TPCN2: variants seen among roughly 807,000 people sequenced by gnomAD.
TPCN2 encodes two pore channel protein 2.
Under a neutral mutation model 111.4 loss-of-function variants are expected in TPCN2, and 92 were observed. The ratio of observed to expected loss-of-function variants is 0.83; its 90% CI spans 0.70 to 0.98. The LOEUF is 0.98. Among genes scored for constraint, TPCN2 ranks in the 50% least tolerant of loss-of-function variants. The pLI is 0.00. For missense variants in TPCN2, 995 were observed against 980.1 expected, an observed-to-expected ratio of 1.02 and a Z score of -0.20; for synonymous variants, 405 against 414.5, an observed-to-expected ratio of 0.98 and a Z score of 0.28.
intron 13 of TPCN2, among the ~76,000 whole-genome samples, chr11:69,075,427 G>A (rs546539711): frequency 8.5e-4 from 130 of 152,308 alleles, no homozygotes; most frequent in African/African-American, 2.9e-3. Context: ...TAGCACCTAG[G>A]AATGCAGTGG....
At chr11:69,063,790 C>T in intron 6 of TPCN2, 105 bp from the exon 7 acceptor site, 6 of 1,068,262 alleles carry the variant, frequency 5.6e-6, no homozygotes, top group Non-Finnish European at 8.4e-6. Context: ...TCCACCCCAG[C>T]TGCTGCAGAC....
At chr11:69,077,582 ATT>A (rs1855848328) in intron 13 of TPCN2, among the ~76,000 whole-genome samples, 1 of 152,214 alleles carries the variant, frequency 6.6e-6, no homozygotes, top group African/African-American at 2.4e-5. Context: ...TCAACTGGAT[ATT>A]TTGGTGTTTT....
At position 69,088,815 on chromosome 11, in the gene TPCN2, A is replaced by G. The variant is rs952205004; in HGVS notation, c.*862A>G. The G allele has an allele frequency of 2.0e-5, 3 of 152,060 alleles. No homozygotes were observed. The highest frequency in any genetic ancestry group is 1.9e-4 in the East Asian group (1 of 5,170). 9.4% of individuals were successfully genotyped at this position (152,060 alleles called of 1,614,324 possible). On this transcript the variant is annotated 3_prime_UTR_variant, in exon 25 of 25. Transcript: ENST00000294309. Reference sequence around the variant, plus strand: ...AAGCACGCCAGGTCCAGATTGACCAATGGTTTTCTCACTTCAGGGGCCAAC... The same window carrying G: ...AAGCACGCCAGGTCCAGATTGACCAGTGGTTTTCTCACTTCAGGGGCCAAC...
At chr11:69,059,318 A>G (rs1056500011) in intron 5 of TPCN2, among the ~76,000 whole-genome samples, 10 of 147,936 alleles carry the variant, frequency 6.8e-5, no homozygotes, top group South Asian at 2.2e-4. Flanking sequence ...CCCTCTTTCC[A>G]TGAACAAGCT....
At chr11:69,082,788 T>C (rs368421455) in intron 18 of TPCN2, among the ~76,000 whole-genome samples, 21 of 75,906 alleles carry the variant, frequency 2.8e-4, no homozygotes, top group Non-Finnish European at 4.5e-4. Flanking sequence ...CAGATATCCA[T>C]GTGAACTCGT....
chr11:69,063,067 GC>G, intron 6 of TPCN2, 77 bp downstream of exon 6: 1 of 1,299,128 alleles, frequency 7.7e-7, no homozygotes, highest in Non-Finnish European at 1.1e-6. Context: ...TGCGGGTGGG[GC>G]CCACCGGAGT....
rs758084656 is a variant in TPCN2 at position 69,071,978 on chromosome 11, A to G, written c.1016A>G (p.Glu339Gly). 2 of 1,613,970 alleles carry G rather than the reference A, an allele frequency of 1.2e-6. No homozygotes were observed. Among genetic ancestry groups the G allele is most frequent in the South Asian group, 2.2e-5 (2 of 91,068 alleles). The change falls in exon 11 of 25, where the codon GAA becomes GGA. Residue 339 changes from glutamate to glycine, a missense_variant. By Grantham distance (98) the Glu-to-Gly change is moderately conservative (BLOSUM62 -2). Coordinates refer to ENST00000294309, the MANE Select transcript of TPCN2 (RefSeq NM_139075.4). Reference sequence around the variant, plus strand: ...CGGCTGGGAACCCGGGCTGCCTTTGAAGTCCTATCCTCCATGGTGGGGGAG... The same window carrying G: ...CGGCTGGGAACCCGGGCTGCCTTTGGAGTCCTATCCTCCATGGTGGGGGAG... ...RRRLGTRAAF[E>G]VLSSMVGEGG...
rs568415551 is a variant in TPCN2, at chr11:69,054,100, C to G, written c.174+3C>G. 2.5e-6 allele frequency: 4 copies of G among 1,612,450 alleles called. No individual in the cohort carries two copies. Among genetic ancestry groups the G allele is most frequent in the Admixed American group, 1.7e-5 (1 of 59,976 alleles). ...TCTTCATCGAAGATGCTATTCAGGT[C>G]GGTGGCACCTGCTCCCTGTGGCCGG... is the stretch of plus-strand genomic sequence containing the variant. On this transcript the variant is annotated splice_donor_region_variant and intron_variant, in intron 2 of 24. Transcript: ENST00000294309.
chr11:69,064,109 G>A, intron 7 of TPCN2, 142 bp downstream of exon 7: 1 of 802,770 alleles, frequency 1.2e-6, no homozygotes, highest in Non-Finnish European at 2.1e-6. Context: ...CTGGGGTCCA[G>A]GAGTCTGCCT....
rs1855894274 is a variant in TPCN2, at chr11:69,078,805, G to A, written c.1410+12G>A. 1 of 1,614,096 alleles carries A rather than the reference G, an allele frequency of 6.2e-7. No homozygotes were observed. Among genetic ancestry groups the A allele is most frequent in the Non-Finnish European group, 8.5e-7 (1 of 1,180,028 alleles). ...ACTTCATCCTGGGGGTAAGTTCTGA[G>A]CTGTCCACCTGTCAGGGCCAGGGTG... On this transcript the variant is annotated intron_variant, in intron 15 of 24. Coordinates refer to ENST00000294309, the MANE Select transcript of TPCN2 (RefSeq NM_139075.4).
intron 7 of TPCN2, among the ~76,000 whole-genome samples, chr11:69,067,214 C>T (rs1239361146): frequency 2.0e-5 from 3 of 152,226 alleles, no homozygotes; most frequent in African/African-American, 7.2e-5. Context: ...GCGAGGTGGC[C>T]TGAGGGAGGT....
At position 69,072,582 on chromosome 11, in the gene TPCN2, A is replaced by C. The variant is rs546987226; in HGVS notation, c.1062-45A>C. The C allele has an allele frequency of 4.3e-4, 692 of 1,603,460 alleles. 1 individual carries two copies. The highest frequency in any genetic ancestry group is 5.0e-4 in the Non-Finnish European group (589 of 1,172,416). On this transcript the variant is annotated intron_variant, in intron 11 of 24. Coordinates refer to ENST00000294309, the MANE Select transcript of TPCN2 (RefSeq NM_139075.4). The stretch of plus-strand genomic sequence containing the variant: ...AGGACCCAGGCCAGGGTTCCAAGGG[A>C]GCCGAGCTGGCTGTGCTCACCGGGC...
chr11:69,066,637 C>G (rs976074101), intron 7 of TPCN2, among the ~76,000 whole-genome samples: 1 of 152,238 alleles, frequency 6.6e-6, no homozygotes, highest in African/African-American at 2.4e-5. Context: ...ATGCCAGGGC[C>G]TGCCTGCGGG....
chr11:69,057,304 T>A (rs546685262), intron 4 of TPCN2, among the ~76,000 whole-genome samples: 26 of 152,322 alleles, frequency 1.7e-4, no homozygotes, highest in African/African-American at 6.3e-4. Context: ...AAGGTGGTTG[T>A]TAGATAGGCA....
intron 13 of TPCN2, among the ~76,000 whole-genome samples, chr11:69,074,247 G>C (rs1447507091): frequency 2.0e-5 from 3 of 152,238 alleles, no homozygotes; most frequent in African/African-American, 4.8e-5. Flanking sequence ...GCCTGAGCTT[G>C]AGTGCCACGC....
chr11:69,078,673 C>T (rs1221774729), intron 14 of TPCN2, 61 bp from the exon 15 acceptor site: 14 of 1,613,344 alleles, frequency 8.7e-6, no homozygotes, highest in Non-Finnish European at 1.2e-5. Flanking sequence ...GAGCCTGCCC[C>T]TCCTGCCTCG....
chr11:69,081,614 G>T, intron 18 of TPCN2, 115 bp downstream of exon 18: 1 of 668,728 alleles, frequency 1.5e-6, no homozygotes, highest in East Asian at 2.8e-5. Context: ...CGTCACCCTG[G>T]GCTCCCTGGC....
At chr11:69,072,870 C>G (rs1402278504) in intron 12 of TPCN2, 45 bp from the exon 13 acceptor site, 2 of 1,566,298 alleles carry the variant, frequency 1.3e-6, no homozygotes, top group Admixed American at 1.7e-5. Context: ...CGAGGGCGCT[C>G]ACCTTCCCGT....
At chr11:69,071,261 G>T (rs1327229466) in intron 9 of TPCN2, 95 bp from the exon 10 acceptor site, 31 of 919,660 alleles carry the variant, frequency 3.4e-5, no homozygotes, top group Admixed American at 7.9e-5. Flanking sequence ...GATAGGGGAC[G>T]CCCCCGGCGC....
Sources: allele counts gnomAD v4.1 joint callset (sites outside exome capture counted in the v4.1 genomes callset), GRCh38; gene constraint gnomAD v4.1.1; transcripts MANE v1.5; gene names NCBI Gene and HGNC (gene_info 2026-07-23, HGNC 2026-07-21).